SBNO2: variants seen among roughly 807,000 people sequenced by gnomAD.
SBNO2 encodes strawberry notch homolog 2.
A neutral mutation model predicts 146.3 loss-of-function variants in SBNO2; 89 were observed. The observed-to-expected ratio is 0.61, with a 90% CI of 0.51 to 0.73. SBNO2 has a LOEUF of 0.73. Among genes scored for constraint, SBNO2 ranks in the 30% least tolerant of loss-of-function variants. The pLI is 0.00. For missense variants in SBNO2, 2,092 were observed against 2,003.7 expected, an observed-to-expected ratio of 1.04 and a Z score of -0.84; for synonymous variants, 1,147 against 892.6, an observed-to-expected ratio of 1.29 and a Z score of -5.08.
rs1003220064 is a variant in SBNO2 at position 1,173,463 on chromosome 19, T to C, written c.-127+709A>G. ...CCTCCATGCAGAAACCGAAAAACCA[T>C]CTGCCCCAGAAGAGAAGTCGGAGGC... is the stretch of plus-strand genomic sequence containing the variant. On this transcript the variant is annotated intron_variant, in intron 1 of 31. Transcript: ENST00000361757. This position sits in a 1 kb window ranked among gnomAD's most constrained non-coding sequence, Gnocchi z 4.7. Among the ~76,000 whole-genome samples the C allele has an allele frequency of 3.3e-5, 5 of 151,868 alleles. No individual in the cohort carries two copies. Among genetic ancestry groups the C allele is most frequent in the East Asian group, 1.9e-4 (1 of 5,172 alleles).
chr19:1,111,532 G>C lies in SBNO2; in HGVS notation c.2783C>G (p.Pro928Arg), dbSNP rs368071071. Residue 928 changes from proline to arginine, a missense_variant, in exon 24 of 32, where the codon CCT (proline) becomes CGT (arginine). By Grantham distance (103) the Pro-to-Arg change is moderately radical (BLOSUM62 -2). Transcript: ENST00000361757. ...ENKVPVPQGY[P>R]GGVPTFFRDM... ...CCGGAAGAAGGTGGGGACCCCTCCAGGGTATCCCTGGGGCACAGGCACTTT... is the reference window on the plus strand; with the variant it reads ...CCGGAAGAAGGTGGGGACCCCTCCACGGTATCCCTGGGGCACAGGCACTTT... The C allele has an allele frequency of 3.8e-6, 6 of 1,590,068 alleles. No individual in the cohort carries two copies. In the African/African-American group the frequency reaches 8.1e-5, roughly 21 times the overall value.
intron 2 of SBNO2, among the ~76,000 whole-genome samples, chr19:1,151,117 C>T (rs539903260): frequency 2.0e-5 from 3 of 152,262 alleles, no homozygotes; most frequent in Non-Finnish European, 4.4e-5. Context: ...GAGAGAAAGC[C>T]AGCCCTGGAG....
At chr19:1,162,316 C>T (rs543265844) in intron 1 of SBNO2, among the ~76,000 whole-genome samples, 2 of 149,016 alleles carry the variant, frequency 1.3e-5, no homozygotes, top group East Asian at 2.0e-4. Context: ...AAAAATTATC[C>T]AGGCGTGGTG....
intron 23 of SBNO2, 26 bp from the exon 24 acceptor site, chr19:1,111,640 G>T: frequency 6.6e-7 from 1 of 1,513,354 alleles, no homozygotes; most frequent in Non-Finnish European, 9.0e-7. Context: ...GACTCGGGGA[G>T]GAGGCCCAGG....
At chr19:1,135,236 C>A (rs2080074838) in intron 4 of SBNO2, among the ~76,000 whole-genome samples, 1 of 151,876 alleles carries the variant, frequency 6.6e-6, no homozygotes, top group Non-Finnish European at 1.5e-5. Flanking sequence ...GTGGCGGGCA[C>A]CTGTGGTCCC....
chr19:1,123,996 T>G lies in SBNO2; in HGVS notation c.468A>C (p.Ala156=). 1 of 1,611,794 alleles carries G rather than the reference T, an allele frequency of 6.2e-7. No individual in the cohort carries two copies. Among genetic ancestry groups the G allele is most frequent in the Non-Finnish European group, 8.5e-7 (1 of 1,179,280 alleles). The part of the protein sequence containing the change: ...DKLFQLSRPF[A]GFEDFLPSHS... ...GGGAGGGCAGAAAGTCCTCGAAGCC[T>G]GCAAACGGCCTGCTGAGCTGGAACA... Residue 156 remains alanine, a synonymous_variant, in exon 6 of 32, where the codon GCA becomes GCC. Transcript: ENST00000361757.
chr19:1,108,300 C>A lies in SBNO2; in HGVS notation c.4021G>T (p.Gly1341Cys), dbSNP rs2145178109. 1 of 1,482,332 alleles carries A rather than the reference C, an allele frequency of 6.7e-7. No individual in the cohort carries two copies. Among genetic ancestry groups the A allele is most frequent in the Non-Finnish European group, 9.0e-7 (1 of 1,112,328 alleles). 91.8% of individuals were successfully genotyped at this position (1,482,332 alleles called of 1,614,324 possible). Residue 1341 changes from glycine (G) to cysteine (C), a missense_variant, in exon 32 of 32, where the codon GGC becomes TGC. Transcript: ENST00000361757. ...CGCTCGGGACCACCGCCCGCCGCGC[C>A]CCCCGCCCCCGCGCCCTCCCCCAGC... ...GALGEGAGAG[G>C]AAGGGPERQS... is the part of the protein sequence containing the mutation.
chr19:1,159,969 G>A (rs891493192), intron 1 of SBNO2, among the ~76,000 whole-genome samples: 2 of 152,050 alleles, frequency 1.3e-5, no homozygotes, highest in Non-Finnish European at 2.9e-5. Flanking sequence ...CAGAGTGTCC[G>A]GCGCTGCCCC....
Position 1,173,538 on chromosome 19 carries a change from G to A in SBNO2, c.-127+634C>T, listed in dbSNP as rs1207532831. Reference sequence around the variant, plus strand: ...CAAGGGGAGGGAGGGAGACAGGGCTGCGCTGCGGGGCCGAGAAGGCAAGGG... The same window carrying A: ...CAAGGGGAGGGAGGGAGACAGGGCTACGCTGCGGGGCCGAGAAGGCAAGGG... On this transcript the variant is annotated intron_variant, in intron 1 of 31. Coordinates refer to ENST00000361757, the MANE Select transcript of SBNO2 (RefSeq NM_014963.3). This position sits in a 1 kb window ranked among gnomAD's most constrained non-coding sequence, Gnocchi z 4.7. Among the ~76,000 whole-genome samples the A allele has an allele frequency of 6.6e-6, 1 of 152,126 alleles. No homozygotes were observed. The highest frequency in any genetic ancestry group is 1.5e-5 in the Non-Finnish European group (1 of 68,028).
chr19:1,151,318 C>T (rs1389198958), intron 2 of SBNO2, among the ~76,000 whole-genome samples: 2 of 152,234 alleles, frequency 1.3e-5, no homozygotes, highest in East Asian at 3.9e-4. Context: ...GGCTTGGGGT[C>T]GCAGGGCGGG....
intron 4 of SBNO2, among the ~76,000 whole-genome samples, chr19:1,142,615 G>A (rs1358761456): frequency 6.6e-6 from 1 of 152,212 alleles, no homozygotes. Flanking sequence ...GGGAGGCAGA[G>A]GTTGCAGTGA....
In SBNO2 at chr19:1,150,280, C is replaced by T. The variant is rs2080230135; in HGVS notation, c.94-838G>A. 6.6e-6 allele frequency among the ~76,000 whole-genome samples: 1 copy of T among 152,158 alleles called. No homozygotes were observed. Among genetic ancestry groups the T allele is most frequent in the Non-Finnish European group, 1.5e-5 (1 of 68,012 alleles). On this transcript the variant is annotated intron_variant, in intron 2 of 31. Transcript: ENST00000361757. The surrounding 1 kb of genome is among the most constrained non-coding windows in gnomAD (Gnocchi z 6.2). ...ACCTGAGGATGGGGAGCACACGGGG[C>T]AGCAGCGGGCCCAAGGGCGGCAGCG... is the stretch of plus-strand genomic sequence containing the variant.
In SBNO2 at chr19:1,112,433, CGGCAGCTCCAA is replaced by C; in HGVS notation, c.2473_2483del (p.Leu825ValfsTer63). On this transcript the variant is annotated frameshift_variant, in exon 21 of 32. Transcript: ENST00000361757. LOFTEE classifies it high-confidence loss of function. This position sits in a 1 kb window ranked among gnomAD's most constrained non-coding sequence, Gnocchi z 5.9. ...GCTGGATGGCGCGGTCGGCGCTCCA[CGGCAGCTCCAA>C]GGTCATGTGCACGCGGCGCCGCTGG... 6.2e-7 allele frequency: 1 copy of C among 1,606,570 alleles called. No homozygotes were observed. The highest frequency in any genetic ancestry group is 8.5e-7 in the Non-Finnish European group (1 of 1,178,544).
intron 4 of SBNO2, among the ~76,000 whole-genome samples, chr19:1,134,720 G>T (rs1402922635): frequency 6.6e-6 from 1 of 152,156 alleles, no homozygotes; most frequent in Non-Finnish European, 1.5e-5. Context: ...GACAGAGGTG[G>T]TGGTTGCACA....
chr19:1,110,014 G>GGC lies in SBNO2; in HGVS notation c.3029-238_3029-237insGC, dbSNP rs2079736332. On this transcript the variant is annotated intron_variant, in intron 26 of 31. Coordinates refer to ENST00000361757, the MANE Select transcript of SBNO2 (RefSeq NM_014963.3). The surrounding 1 kb of genome is among the most constrained non-coding windows in gnomAD (Gnocchi z 4.9). ...GGCTGTGGGGGATCGTGGGAGCCTG[G>GGC]GGGCCGCTCAGGTCCTATGTAACCC... 6.6e-6 allele frequency among the ~76,000 whole-genome samples: 1 copy of GGC among 151,728 alleles called. No individual in the cohort carries two copies. Among genetic ancestry groups the GGC allele is most frequent in the Admixed American group, 6.6e-5 (1 of 15,250 alleles).
chr19:1,151,205 C>T (rs1483687572), intron 2 of SBNO2, among the ~76,000 whole-genome samples: 2 of 152,264 alleles, frequency 1.3e-5, no homozygotes, highest in Non-Finnish European at 2.9e-5. Flanking sequence ...ACCAACCCAG[C>T]CTCCTCAGAT....
At position 1,147,414 on chromosome 19, in the gene SBNO2, G is replaced by T; in HGVS notation, c.174C>A (p.Phe58Leu). 2.5e-6 allele frequency: 3 copies of T among 1,218,708 alleles called. No homozygotes were observed. The highest frequency in any genetic ancestry group is 2.2e-6 in the Non-Finnish European group (2 of 900,984). 75.5% of individuals were successfully genotyped at this position (1,218,708 alleles called of 1,614,324 possible). A position where few individuals can be genotyped will look rare whatever the true frequency, so the allele number is the denominator to read the frequency against. The change falls in exon 4 of 32, where the codon TTC becomes TTA. Residue 58 changes from phenylalanine (F) to leucine (L), a missense_variant. Coordinates refer to ENST00000361757, the MANE Select transcript of SBNO2 (RefSeq NM_014963.3). Reference sequence around the variant, plus strand: ...TGCCGAGGAAGGAGGCGGAGCTCATGAACGGGCTGGAGGGAGATGGGGGGG... The same window carrying T: ...TGCCGAGGAAGGAGGCGGAGCTCATTAACGGGCTGGAGGGAGATGGGGGGG... ...YPAFSSDSRP[F>L]MSSASFLGSQ...
intron 4 of SBNO2, among the ~76,000 whole-genome samples, chr19:1,141,686 C>A (rs962150779): frequency 2.0e-5 from 3 of 152,116 alleles, no homozygotes; most frequent in African/African-American, 4.8e-5. Flanking sequence ...ACACAATGGG[C>A]CTCCCACTGG....
In SBNO2 at chr19:1,122,261, T is replaced by C; in HGVS notation, c.1027A>G (p.Thr343Ala). The stretch of plus-strand genomic sequence containing the variant: ...GTGGCGAAGAGGACGCCCTCTGAGG[T>C]AGTGGTGTCACCGTACTTGATCTGG... ...LSKIKYGDTT[T>A]SEGVLFATYS... The change falls in exon 11 of 32, where the codon ACC (threonine) becomes GCC (alanine). Residue 343 changes from threonine to alanine, a missense_variant. Physicochemically the swap from Thr to Ala is moderately conservative, Grantham distance 58. Coordinates refer to ENST00000361757, the MANE Select transcript of SBNO2 (RefSeq NM_014963.3). The C allele has an allele frequency of 6.4e-7, 1 of 1,573,410 alleles. No homozygotes were observed. Among genetic ancestry groups the C allele is most frequent in the Non-Finnish European group, 8.6e-7 (1 of 1,159,578 alleles).
Sources: allele counts gnomAD v4.1 joint callset (sites outside exome capture counted in the v4.1 genomes callset), GRCh38; gene constraint gnomAD v4.1.1; non-coding constraint Gnocchi (gnomAD v3.1); transcripts MANE v1.5; gene names NCBI Gene and HGNC (gene_info 2026-07-23, HGNC 2026-07-21).